ADAMTS6: variants seen among roughly 807,000 people sequenced by gnomAD.
ADAMTS6 encodes A disintegrin and metalloproteinase with thrombospondin motifs 6.
A neutral mutation model predicts 144.3 loss-of-function variants in ADAMTS6; 23 were observed. That is an observed-to-expected ratio of 0.16 (90% CI 0.11 to 0.23). The LOEUF (loss-of-function observed/expected upper bound fraction) is 0.23, where lower values mean the gene tolerates loss of function less well. Ranked by LOEUF, ADAMTS6 falls within the 10% of genes least tolerant of loss-of-function variation. ADAMTS6 has a pLI of 1.00. For synonymous variants in ADAMTS6, 444 were observed against 457.5 expected, an observed-to-expected ratio of 0.97 and a Z score of 0.38; for missense variants, 999 against 1,379.6, an observed-to-expected ratio of 0.72 and a Z score of 4.37.
chr5:65,194,191 G>A (rs991021372), intron 21 of ADAMTS6, among the ~76,000 whole-genome samples: 2 of 152,178 alleles, frequency 1.3e-5, no homozygotes, highest in Admixed American at 6.5e-5. Context: ...GATGGTCCCT[G>A]ATGTTTGACG....
rs1290311384 is a variant in ADAMTS6, at chr5:65,404,730, C to A, written c.1073+46745G>T. 4.6e-5 allele frequency among the ~76,000 whole-genome samples: 7 copies of A among 152,322 alleles called. No homozygotes were observed. In the East Asian group the frequency reaches 7.7e-4, roughly 17 times the overall value. ...CTTGAGGAATCACCACACTGCCTTC[C>A]ACAATGGTTGAACTAGTTTACAGTC... is the stretch of plus-strand genomic sequence containing the variant. On this transcript the variant is annotated intron_variant, in intron 7 of 24. Transcript: ENST00000381055.
At chr5:65,453,912 G>A (rs1353321796) in intron 4 of ADAMTS6, among the ~76,000 whole-genome samples, 1 of 152,126 alleles carries the variant, frequency 6.6e-6, no homozygotes, top group Non-Finnish European at 1.5e-5. Flanking sequence ...GCATTGGTAG[G>A]TGCTATGGTT....
intron 12 of ADAMTS6, 40 bp downstream of exon 12, chr5:65,273,300 T>C: frequency 6.4e-7 from 1 of 1,567,938 alleles, no homozygotes; most frequent in Non-Finnish European, 8.8e-7. Flanking sequence ...TTTATCACTT[T>C]TGTATACATG....
At chr5:65,262,533 G>A (rs922678786) in intron 13 of ADAMTS6, among the ~76,000 whole-genome samples, 1 of 152,168 alleles carries the variant, frequency 6.6e-6, no homozygotes, top group Admixed American at 6.6e-5. Flanking sequence ...GTTTTTGGAG[G>A]AGGAAATCTG....
chr5:65,262,748 T>A, intron 13 of ADAMTS6, 69 bp downstream of exon 13: 1 of 1,431,902 alleles, frequency 7.0e-7, no homozygotes, highest in Non-Finnish European at 9.2e-7. Flanking sequence ...AGATAACATG[T>A]GAAACCACAG....
At chr5:65,408,632 C>T (rs866892258) in intron 7 of ADAMTS6, among the ~76,000 whole-genome samples, 1 of 152,180 alleles carries the variant, frequency 6.6e-6, no homozygotes, top group African/African-American at 2.4e-5. Flanking sequence ...TTGAACTCAG[C>T]TCTGCACCAA....
chr5:65,384,366 G>A (rs1752309486), intron 7 of ADAMTS6, among the ~76,000 whole-genome samples: 2 of 152,100 alleles, frequency 1.3e-5, no homozygotes, highest in Admixed American at 6.6e-5. Flanking sequence ...GAGAAACCAT[G>A]CCACATCCTC....
chr5:65,369,993 C>G (rs952277205), intron 7 of ADAMTS6, among the ~76,000 whole-genome samples: 4 of 151,856 alleles, frequency 2.6e-5, no homozygotes, highest in Non-Finnish European at 4.4e-5. Context: ...AAAGATTACT[C>G]ATTATCAATA....
At chr5:65,407,411 A>C (rs1300390506) in intron 7 of ADAMTS6, among the ~76,000 whole-genome samples, 1 of 151,554 alleles carries the variant, frequency 6.6e-6, no homozygotes, top group Non-Finnish European at 1.5e-5. Flanking sequence ...ATATGTATAC[A>C]TGTGCCATGT....
intron 9 of ADAMTS6, among the ~76,000 whole-genome samples, chr5:65,326,696 C>T (rs1746207941): frequency 6.6e-6 from 1 of 152,034 alleles, no homozygotes; most frequent in African/African-American, 2.4e-5. Context: ...GGATACAAGT[C>T]ACAAAAAATC....
intron 7 of ADAMTS6, among the ~76,000 whole-genome samples, chr5:65,349,967 T>C (rs1165886086): frequency 6.6e-6 from 1 of 152,194 alleles, no homozygotes; most frequent in Non-Finnish European, 1.5e-5. Flanking sequence ...ACATTACTTC[T>C]ATGAAATCAA....
chr5:65,201,963 A>G (rs1225563758), intron 20 of ADAMTS6, among the ~76,000 whole-genome samples: 1 of 152,204 alleles, frequency 6.6e-6, no homozygotes, highest in East Asian at 1.9e-4. Flanking sequence ...GACAAGTGCC[A>G]GGAAAAAAAA....
intron 14 of ADAMTS6, among the ~76,000 whole-genome samples, chr5:65,252,292 C>T (rs1369565244): frequency 6.6e-6 from 1 of 150,472 alleles, no homozygotes; most frequent in Non-Finnish European, 1.5e-5. Context: ...GAATTCCGCT[C>T]GGAGCAAAAT....
At chr5:65,320,526 A>T (rs1443948780) in intron 9 of ADAMTS6, among the ~76,000 whole-genome samples, 1 of 152,084 alleles carries the variant, frequency 6.6e-6, no homozygotes, top group African/African-American at 2.4e-5. Context: ...ACTATTCCAA[A>T]AAATAGAAAA....
At chr5:65,185,124 T>C (rs1199682492) in intron 22 of ADAMTS6, among the ~76,000 whole-genome samples, 1 of 152,218 alleles carries the variant, frequency 6.6e-6, no homozygotes, top group African/African-American at 2.4e-5. Context: ...CCTTCTCTTT[T>C]CATTAGTGGG....
chr5:65,178,907 T>A (rs571482249), intron 22 of ADAMTS6, among the ~76,000 whole-genome samples: 74 of 152,288 alleles, frequency 4.9e-4, no homozygotes, highest in African/African-American at 1.7e-3. Context: ...CAGTTGAACA[T>A]AACTGTGTAG....
At chr5:65,240,381 T>C (rs2112486183) in intron 15 of ADAMTS6, among the ~76,000 whole-genome samples, 1 of 151,932 alleles carries the variant, frequency 6.6e-6, no homozygotes, top group South Asian at 2.1e-4. Context: ...TAAACTATGG[T>C]GAGAAAAAAA....
intron 15 of ADAMTS6, among the ~76,000 whole-genome samples, chr5:65,227,909 A>G (rs1757845660): frequency 1.3e-5 from 2 of 152,158 alleles, no homozygotes; most frequent in Admixed American, 6.6e-5. Flanking sequence ...TAAATTGCCA[A>G]CTTACGACCT....
chr5:65,452,634 G>T, intron 5 of ADAMTS6, 73 bp downstream of exon 5: 1 of 1,513,632 alleles, frequency 6.6e-7, no homozygotes, highest in Non-Finnish European at 9.0e-7. Flanking sequence ...TTACTTCACA[G>T]CAAAAATTTA....
Sources: gnomAD v4.1 joint callset for allele counts (sites outside exome capture counted in the v4.1 genomes callset) on GRCh38, gnomAD v4.1.1 for gene constraint, MANE v1.5 for transcripts, NCBI Gene and HGNC (gene_info 2026-07-23, HGNC 2026-07-21) for gene names.